The following TLN2 variants were observed in gnomAD, a reference collection of about 807,000 sequenced individuals.
TLN2 encodes talin-2.
Under a neutral mutation model 294.7 loss-of-function variants are expected in TLN2, and 118 were observed. The ratio of observed to expected loss-of-function variants is 0.40; its 90% CI spans 0.34 to 0.47. The LOEUF (loss-of-function observed/expected upper bound fraction) is 0.47, where lower values mean the gene tolerates loss of function less well. Among genes scored for constraint, TLN2 ranks in the 20% least tolerant of loss-of-function variants. The pLI is 0.84. For synonymous variants in TLN2, 1,431 were observed against 1,304.5 expected, an observed-to-expected ratio of 1.10 and a Z score of -2.09; for missense variants, 3,083 against 3,282.2, an observed-to-expected ratio of 0.94 and a Z score of 1.48.
At chr15:62,716,256 A>G (rs2059766480) in intron 22 of TLN2, 75 bp from the exon 23 acceptor site, 4 of 1,373,376 alleles carry the variant, frequency 2.9e-6, no homozygotes, top group Middle Eastern at 5.4e-4. Flanking sequence ...TTACTAAGAA[A>G]AAATAATACT....
At chr15:62,723,135 A>G (rs1332605283) in intron 26 of TLN2, among the ~76,000 whole-genome samples, 2 of 152,244 alleles carry the variant, frequency 1.3e-5, no homozygotes, top group Non-Finnish European at 2.9e-5. Context: ...CAATCCCTTT[A>G]TAGAAACAAG....
chr15:62,693,989 GA>G (rs2058131692), intron 13 of TLN2, among the ~76,000 whole-genome samples: 1 of 93,586 alleles, frequency 1.1e-5, no homozygotes, highest in African/African-American at 5.2e-5. Flanking sequence ...TTTTTTTTGA[GA>G]CAGAGTCTCC....
At chr15:62,562,448 T>C (rs2140601195) in intron 1 of TLN2, among the ~76,000 whole-genome samples, 1 of 152,290 alleles carries the variant, frequency 6.6e-6, no homozygotes, top group East Asian at 1.9e-4. Context: ...CTGGTGCCTG[T>C]CTCCTCCTTG....
intron 54 of TLN2, among the ~76,000 whole-genome samples, chr15:62,826,874 ATCCAAGAGGGT>A (rs1427594704): frequency 3.9e-5 from 6 of 152,248 alleles, no homozygotes; most frequent in Middle Eastern, 3.4e-3. Context: ...AAAAATATAT[ATCCAAGAGGGT>A]TTTTTTAAAG....
Position 62,738,290 on chromosome 15 carries a change from TGAA to T in TLN2, c.3647_3649del (p.Lys1216del). Reference sequence around the variant, plus strand: ...GGGCAGAAGGATGTGGACGTGGCCTTGAAGAGCATCGGGGAGTCCAGCAAGAAG... The same window carrying T: ...GGGCAGAAGGATGTGGACGTGGCCTTGAGCATCGGGGAGTCCAGCAAGAAG... On this transcript the variant is annotated inframe_deletion, in exon 30 of 59. Transcript: ENST00000636159. 6.2e-7 allele frequency: 1 copy of T among 1,614,170 alleles called. No homozygotes were observed. The highest frequency in any genetic ancestry group is 8.5e-7 in the Non-Finnish European group (1 of 1,180,006).
chr15:62,796,948 A>G (rs2065526397), intron 47 of TLN2, among the ~76,000 whole-genome samples: 1 of 152,148 alleles, frequency 6.6e-6, no homozygotes, highest in Admixed American at 6.5e-5. Context: ...AGGGCTTGGG[A>G]AGGGAGCCAG....
intron 1 of TLN2, among the ~76,000 whole-genome samples, chr15:62,503,515 T>C (rs76749181): frequency 2.7e-4 from 41 of 152,356 alleles, no homozygotes; most frequent in Non-Finnish European, 5.0e-4. Context: ...TATTAAAGCT[T>C]CTTAGGGAAG....
intron 1 of TLN2, among the ~76,000 whole-genome samples, chr15:62,501,923 C>G (rs1244668487): frequency 6.6e-6 from 1 of 152,100 alleles, no homozygotes; most frequent in Admixed American, 6.6e-5. Context: ...GGTCAAATAC[C>G]AAGATACTAG....
At chr15:62,510,756 T>C (rs966768319) in intron 1 of TLN2, among the ~76,000 whole-genome samples, 1 of 152,250 alleles carries the variant, frequency 6.6e-6, no homozygotes, top group African/African-American at 2.4e-5. Flanking sequence ...CTGCCCTGCC[T>C]GCCCCCAGTG....
At chr15:62,778,211 C>T (rs2063854300) in intron 43 of TLN2, among the ~76,000 whole-genome samples, 2 of 152,204 alleles carry the variant, frequency 1.3e-5, no homozygotes, top group Non-Finnish European at 2.9e-5. Flanking sequence ...CTGCGTCTCC[C>T]TTTAGAGGCC....
chr15:62,581,227 T>G (rs976551248), intron 1 of TLN2, among the ~76,000 whole-genome samples: 6 of 152,188 alleles, frequency 3.9e-5, no homozygotes, highest in African/African-American at 1.4e-4. Flanking sequence ...TCTTCCAGAA[T>G]GTCATCGAGT....
At chr15:62,588,132 C>A (rs539608218) in intron 1 of TLN2, among the ~76,000 whole-genome samples, 5 of 152,146 alleles carry the variant, frequency 3.3e-5, no homozygotes, top group Non-Finnish European at 7.4e-5. Context: ...TGCCCGCCTT[C>A]GCCTCCCAAA....
At chr15:62,495,701 G>C (rs1443949840) in intron 1 of TLN2, among the ~76,000 whole-genome samples, 8 of 152,172 alleles carry the variant, frequency 5.3e-5, no homozygotes, top group Admixed American at 2.0e-4. Context: ...ATTCCACCTG[G>C]AGAGGGTAGA....
chr15:62,402,810 C>A (rs979017769), intron 1 of TLN2, among the ~76,000 whole-genome samples: 1 of 152,218 alleles, frequency 6.6e-6, no homozygotes, highest in Non-Finnish European at 1.5e-5. Context: ...AACCTACCAG[C>A]ACACACGTGT....
intron 1 of TLN2, among the ~76,000 whole-genome samples, chr15:62,505,205 C>A (rs929079460): frequency 8.5e-5 from 13 of 152,258 alleles, no homozygotes; most frequent in Admixed American, 8.5e-4. Flanking sequence ...GATCCGCCCA[C>A]CTCGGCCTCC....
At chr15:62,677,806 C>CTTTTTTTTTTTTTTTTT (rs3055781) in intron 11 of TLN2, among the ~76,000 whole-genome samples, 1,370 of 75,202 alleles carry the variant, frequency 0.018, 336 homozygotes, top group East Asian at 0.025. Context: ...GCACTTGCAA[C>CTTTTTTTTTTTTTTTTT]TTTTTTTTTT....
Position 62,657,859 on chromosome 15 carries a change from G to C in TLN2, c.749G>C (p.Gly250Ala). 1.2e-6 allele frequency: 2 copies of C among 1,613,744 alleles called. No individual in the cohort carries two copies. The highest frequency in any genetic ancestry group is 1.7e-6 in the Non-Finnish European group (2 of 1,179,844). Residue 250 changes from glycine (G) to alanine (A), a missense_variant, in exon 9 of 59, where the codon GGA becomes GCA. Coordinates refer to ENST00000636159, the MANE Select transcript of TLN2 (RefSeq NM_015059.3). ...FGGFQAQIQFGPHVEHKHKPG... is the reference protein window; with the variant it reads ...FGGFQAQIQFAPHVEHKHKPG... ...GGATTTCAAGCCCAGATACAATTTG[G>C]ACCTCATGTGGAACATAAACACAAA... is the stretch of plus-strand genomic sequence containing the variant.
intron 54 of TLN2, chr15:62,831,628 T>C (rs1375228927): frequency 1.3e-5 from 2 of 152,128 alleles, no homozygotes; most frequent in Non-Finnish European, 2.9e-5. Flanking sequence ...ATGAGTCCAG[T>C]AGAACTAAAT....
At chr15:62,792,901 C>G (rs2065175767) in intron 46 of TLN2, 114 bp downstream of exon 46, 3 of 1,483,044 alleles carry the variant, frequency 2.0e-6, no homozygotes, top group Non-Finnish European at 2.7e-6. Flanking sequence ...GCTGACTCAG[C>G]TGTCTCATCC....
Sources: gnomAD v4.1 joint callset for allele counts (sites outside exome capture counted in the v4.1 genomes callset) on GRCh38, gnomAD v4.1.1 for gene constraint, MANE v1.5 for transcripts, NCBI Gene and HGNC (gene_info 2026-07-23, HGNC 2026-07-21) for gene names.